Variants in SIPA1L1 observed in about 807,000 individuals in gnomAD.
SIPA1L1 encodes the protein signal induced proliferation associated 1 like 1.
Under a neutral mutation model 162.7 loss-of-function variants are expected in SIPA1L1, and 26 were observed. The observed-to-expected ratio is 0.16, with a 90% CI of 0.12 to 0.22. The LOEUF (loss-of-function observed/expected upper bound fraction) is 0.22. Among genes scored for constraint, SIPA1L1 ranks in the 10% least tolerant of loss-of-function variants. SIPA1L1 has a pLI of 1.00. For missense variants in SIPA1L1, 1,874 were observed against 2,241.0 expected (o/e 0.84, Z 3.31); for synonymous variants, 829 against 837.4 (o/e 0.99, Z 0.17).
At chr14:71,414,989 G>T (rs191497965) in intron 2 of SIPA1L1, among the ~76,000 whole-genome samples, 233 of 152,288 alleles carry the variant, frequency 1.5e-3, no homozygotes, top group African/African-American at 5.2e-3. Context: ...AAATTCTGGG[G>T]TTGTATAGGT....
At chr14:71,672,049 A>T (rs780584457) in intron 11 of SIPA1L1, among the ~76,000 whole-genome samples, 2 of 152,000 alleles carry the variant, frequency 1.3e-5, no homozygotes, top group Non-Finnish European at 2.9e-5. Flanking sequence ...GCTGCCTTGA[A>T]TTTTACAAAG....
chr14:71,472,121 A>G (rs2047508856), intron 2 of SIPA1L1, among the ~76,000 whole-genome samples: 1 of 152,170 alleles, frequency 6.6e-6, no homozygotes, highest in African/African-American at 2.4e-5. Flanking sequence ...ATGGATGCCC[A>G]CCACCCTCAC....
chr14:71,370,679 G>A (rs1276350235), intron 2 of SIPA1L1, among the ~76,000 whole-genome samples: 2 of 152,168 alleles, frequency 1.3e-5, no homozygotes. Flanking sequence ...CTCAGGTGAA[G>A]TTGAAGCGTT....
Position 71,650,536 on chromosome 14 carries a change from A to G in SIPA1L1, c.1993+27A>G, listed in dbSNP as rs751363449. On this transcript the variant is annotated intron_variant, in intron 8 of 23. Coordinates refer to ENST00000381232, the MANE Select transcript of SIPA1L1 (RefSeq NM_001386936.1). ...TAAGAAATACTTACACCCTCCTACTAGGCTTATTTTCCCCCTGTTGTGCTG... is the reference window on the plus strand; with the variant it reads ...TAAGAAATACTTACACCCTCCTACTGGGCTTATTTTCCCCCTGTTGTGCTG... 2.5e-6 allele frequency: 4 copies of G among 1,607,492 alleles called. No homozygotes were observed. The East Asian group carries it at 8.9e-5, about 36-fold the overall frequency.
intron 7 of SIPA1L1, among the ~76,000 whole-genome samples, chr14:71,629,007 G>A (rs1007574050): frequency 1.3e-5 from 2 of 152,120 alleles, no homozygotes; most frequent in African/African-American, 2.4e-5. Flanking sequence ...GTGCGATCTC[G>A]GCTCACTGCA....
chr14:71,474,866 C>G (rs2047726454), intron 2 of SIPA1L1, among the ~76,000 whole-genome samples: 1 of 152,136 alleles, frequency 6.6e-6, no homozygotes, highest in African/African-American at 2.4e-5. Context: ...AAAAAAAACC[C>G]TTAAATTTCA....
Position 71,658,316 on chromosome 14 carries a change from A to AT in SIPA1L1, c.1994-9dup, listed in dbSNP as rs746191755. The AT allele has an allele frequency of 6.7e-5, 86 of 1,280,192 alleles. No homozygotes were observed. The South Asian group carries it at 6.8e-4, about 10-fold the overall frequency. 79.3% of individuals were successfully genotyped at this position (1,280,192 alleles called of 1,614,324 possible). ...CCTGTTATAGTCATCTCATCATTATATTTTTTTTAACTGTAGCTGACTCCA... is the reference window on the plus strand; with the variant it reads ...CCTGTTATAGTCATCTCATCATTATATTTTTTTTTAACTGTAGCTGACTCCA... On this transcript the variant is annotated splice_polypyrimidine_tract_variant and intron_variant, in intron 8 of 23. Coordinates refer to ENST00000381232, the MANE Select transcript of SIPA1L1 (RefSeq NM_001386936.1).
intron 5 of SIPA1L1, among the ~76,000 whole-genome samples, chr14:71,599,147 C>CTTTTTT (rs35037397): frequency 1.5e-3 from 158 of 106,068 alleles, no homozygotes; most frequent in East Asian, 3.2e-3. Flanking sequence ...TGATTTCATT[C>CTTTTTT]TTTTTTTTTT....
chr14:71,535,718 TCTC>T (rs548778198), intron 4 of SIPA1L1, among the ~76,000 whole-genome samples: 209 of 152,072 alleles, frequency 1.4e-3, no homozygotes, highest in Non-Finnish European at 2.5e-3. Context: ...TTCAAGCAGT[TCTC>T]CTGCCTCAGC....
chr14:71,515,115 C>A (rs1189892776), intron 3 of SIPA1L1, among the ~76,000 whole-genome samples: 1 of 152,188 alleles, frequency 6.6e-6, no homozygotes, highest in East Asian at 1.9e-4. Context: ...GTGAAAAGAT[C>A]TGTATATTGG....
chr14:71,571,464 T>C (rs1373172994), intron 4 of SIPA1L1, among the ~76,000 whole-genome samples: 3 of 151,924 alleles, frequency 2.0e-5, no homozygotes, highest in Non-Finnish European at 4.4e-5. Flanking sequence ...ATTAAACAGA[T>C]GATCCTAAAA....
intron 3 of SIPA1L1, among the ~76,000 whole-genome samples, chr14:71,520,518 A>G (rs1048398002): frequency 1.3e-5 from 2 of 152,224 alleles, no homozygotes; most frequent in Admixed American, 1.3e-4. Context: ...GATCAAAAAA[A>G]TGAAGTGTCA....
At chr14:71,704,548 G>C (rs1028933389) in intron 15 of SIPA1L1, among the ~76,000 whole-genome samples, 4 of 152,190 alleles carry the variant, frequency 2.6e-5, no homozygotes, top group African/African-American at 9.7e-5. Context: ...CTACATGTTA[G>C]GAAGGGTGTT....
At chr14:71,395,001 TAAG>T (rs768226113) in intron 2 of SIPA1L1, among the ~76,000 whole-genome samples, 10 of 152,198 alleles carry the variant, frequency 6.6e-5, no homozygotes, top group Non-Finnish European at 1.3e-4. Context: ...GCTATTGAAA[TAAG>T]AAAGAGAAAA....
intron 7 of SIPA1L1, among the ~76,000 whole-genome samples, chr14:71,649,174 A>G (rs1350193063): frequency 1.3e-5 from 2 of 151,156 alleles, no homozygotes; most frequent in African/African-American, 4.9e-5. Flanking sequence ...ATGTCATTGG[A>G]GAATTCAAAG....
chr14:71,609,296 T>C (rs962510554), intron 5 of SIPA1L1, among the ~76,000 whole-genome samples: 9 of 152,106 alleles, frequency 5.9e-5, no homozygotes, highest in African/African-American at 2.2e-4. Context: ...TGAGACTGGG[T>C]CTTGCTCTGT....
intron 7 of SIPA1L1, among the ~76,000 whole-genome samples, chr14:71,637,017 C>T (rs2041212719): frequency 6.7e-6 from 1 of 149,514 alleles, no homozygotes; most frequent in Non-Finnish European, 1.5e-5. Context: ...CGCCACTGCA[C>T]TCCAGCCTGA....
intron 5 of SIPA1L1, among the ~76,000 whole-genome samples, chr14:71,612,153 T>TG (rs1378527901): frequency 1.3e-5 from 2 of 152,204 alleles, no homozygotes; most frequent in Non-Finnish European, 2.9e-5. Context: ...GTTTTTTTCT[T>TG]GGGAAAAATG....
At chr14:71,590,627 A>T (rs1192916724) in intron 5 of SIPA1L1, among the ~76,000 whole-genome samples, 1 of 152,160 alleles carries the variant, frequency 6.6e-6, no homozygotes, top group Admixed American at 6.5e-5. Context: ...TCATTCCTAC[A>T]TATCTATAGC....
Sources: allele counts gnomAD v4.1 joint callset (sites outside exome capture counted in the v4.1 genomes callset), GRCh38; gene constraint gnomAD v4.1.1; transcripts MANE v1.5; gene names NCBI Gene and HGNC (gene_info 2026-07-23, HGNC 2026-07-21).